MCPH1: variants seen among roughly 807,000 people sequenced by gnomAD.
The protein encoded by MCPH1 is microcephalin.
In MCPH1, 104 loss-of-function variants were observed where a neutral mutation model predicts 84.5. That is an observed-to-expected ratio of 1.23 (90% CI 1.05 to 1.45). MCPH1 has a LOEUF of 1.45. MCPH1 is among the 40% of genes most tolerant of loss of function. MCPH1 has a pLI of 0.00. For synonymous variants in MCPH1, 514 were observed against 366.8 expected (o/e 1.40, Z -4.58); for missense variants, 1,498 against 1,005.7 (o/e 1.49, Z -6.62).
chr8:6,544,158 A>G (rs1423938044), intron 12 of MCPH1, among the ~76,000 whole-genome samples: 1 of 152,250 alleles, frequency 6.6e-6, no homozygotes, highest in Non-Finnish European at 1.5e-5. Flanking sequence ...GAAATTTGGT[A>G]GGAAGTGTAA....
chr8:6,526,473 T>C (rs970053932), intron 12 of MCPH1, among the ~76,000 whole-genome samples: 2 of 151,670 alleles, frequency 1.3e-5, no homozygotes, highest in African/African-American at 4.8e-5. Flanking sequence ...ATTAGCAGGA[T>C]TGTTATATCT....
intron 11 of MCPH1, among the ~76,000 whole-genome samples, chr8:6,485,891 A>G (rs1271035168): frequency 1.3e-5 from 2 of 152,214 alleles, no homozygotes; most frequent in Non-Finnish European, 1.5e-5. Context: ...CGCTGGCACA[A>G]CAGGAGTATT....
rs1175165901 is a variant in MCPH1, at chr8:6,474,838, AAATAAG to A, written c.1936-2750_1936-2745del. ...ACATAGCGAGAGACCCCATCTTAAAAAATAAGAATAATAATACTTAATGCTGACAAC... is the reference window on the plus strand; with the variant it reads ...ACATAGCGAGAGACCCCATCTTAAAAAATAATAATACTTAATGCTGACAAC... On this transcript the variant is annotated intron_variant, in intron 9 of 13. Transcript: ENST00000344683. Among the ~76,000 whole-genome samples the A allele has an allele frequency of 2.0e-5, 3 of 152,214 alleles. No homozygotes were observed. The East Asian group carries it at 5.8e-4, about 29-fold the overall frequency.
chr8:6,480,360 C>T (rs1809040533), intron 10 of MCPH1, among the ~76,000 whole-genome samples: 1 of 151,924 alleles, frequency 6.6e-6, no homozygotes, highest in Admixed American at 6.6e-5. Flanking sequence ...TCCTGGTGAT[C>T]CACCCGCCTC....
intron 9 of MCPH1, among the ~76,000 whole-genome samples, chr8:6,463,579 T>C (rs2440401): frequency 0.66 from 99,687 of 151,882 alleles, 36,711 homozygotes; most frequent in Non-Finnish European, 0.83. Context: ...GTCCCAGTGG[T>C]GGGAATAAAA....
At chr8:6,445,880 G>T in intron 8 of MCPH1, 1 of 1,055,342 alleles carries the variant, frequency 9.5e-7, no homozygotes, top group African/African-American at 1.7e-5. Context: ...TCTTGGCGCT[G>T]CAGCGTGTGT....
chr8:6,465,703 CGGCTT>C (rs1806808834), intron 9 of MCPH1, among the ~76,000 whole-genome samples: 1 of 152,124 alleles, frequency 6.6e-6, no homozygotes, highest in African/African-American at 2.4e-5. Flanking sequence ...GCAAACCTTA[CGGCTT>C]ATTTCCACTG....
Position 6,505,304 on chromosome 8 carries a change from TATATAACA to T in MCPH1, c.2214+5376_2214+5383del, listed in dbSNP as rs1233170941. Among the ~76,000 whole-genome samples the T allele has an allele frequency of 2.7e-3, 158 of 58,052 alleles. 19 individuals carry two copies. The highest frequency in any genetic ancestry group is 0.013 in the African/African-American group (141 of 11,040). The allele number at this position is 58,052 out of a possible 152,430, so 38.1% of individuals were successfully genotyped here. A position where few individuals can be genotyped will look rare whatever the true frequency, so the allele number is the denominator to read the frequency against. ...TATATATGTTATATACATATATATG[TATATAACA>T]TATATATGTTATATACATATAGAAA... On this transcript the variant is annotated intron_variant, in intron 12 of 13. Transcript: ENST00000344683.
At chr8:6,550,126 C>G (rs1398821239) in intron 12 of MCPH1, among the ~76,000 whole-genome samples, 2 of 152,220 alleles carry the variant, frequency 1.3e-5, no homozygotes, top group Non-Finnish European at 2.9e-5. Flanking sequence ...TTTATACCAA[C>G]TATCGTGCCT....
chr8:6,509,890 T>A (rs762260647), intron 12 of MCPH1, among the ~76,000 whole-genome samples: 7 of 152,220 alleles, frequency 4.6e-5, no homozygotes, highest in Non-Finnish European at 1.0e-4. Flanking sequence ...ATCACAGGAC[T>A]GACTGGGACC....
intron 12 of MCPH1, among the ~76,000 whole-genome samples, chr8:6,555,206 A>G (rs1342498400): frequency 6.6e-6 from 1 of 152,048 alleles, no homozygotes; most frequent in Non-Finnish European, 1.5e-5. Flanking sequence ...ATTTTTGGTG[A>G]TCCAGTCTGT....
chr8:6,410,260 C>T lies in MCPH1; in HGVS notation c.114+890C>T, dbSNP rs542729087. Among the ~76,000 whole-genome samples, 74 of 152,108 alleles carry T rather than the reference C, an allele frequency of 4.9e-4. No homozygotes were observed. The Middle Eastern group carries it at 0.031, about 63-fold the overall frequency. ...AAGTGCTGGGATTACAGGCATGAGC[C>T]ACCGAGCCCGGCCAGGAGTAATTTT... On this transcript the variant is annotated intron_variant, in intron 2 of 13. Transcript: ENST00000344683.
intron 12 of MCPH1, among the ~76,000 whole-genome samples, chr8:6,551,225 C>T (rs567195468): frequency 5.4e-5 from 8 of 148,186 alleles, no homozygotes; most frequent in African/African-American, 5.0e-5. Context: ...GCTGCTTATT[C>T]GTGATTTTTT....
chr8:6,407,423 G>C (rs2129550430), intron 1 of MCPH1, among the ~76,000 whole-genome samples: 1 of 152,232 alleles, frequency 6.6e-6, no homozygotes, highest in East Asian at 1.9e-4. Flanking sequence ...AGTCAGTGCT[G>C]ACAGGGCCTT....
chr8:6,640,909 C>G (rs184211566), intron 13 of MCPH1, among the ~76,000 whole-genome samples: 1 of 152,278 alleles, frequency 6.6e-6, no homozygotes, highest in Non-Finnish European at 1.5e-5. Context: ...TATATTGCCC[C>G]CTGTGAGTCA....
chr8:6,475,288 T>G (rs1311763674), intron 9 of MCPH1, among the ~76,000 whole-genome samples: 1 of 152,240 alleles, frequency 6.6e-6, no homozygotes, highest in East Asian at 1.9e-4. Context: ...TTGGGTGCCC[T>G]TCACGGGCAC....
intron 13 of MCPH1, among the ~76,000 whole-genome samples, chr8:6,632,650 A>C (rs1340121820): frequency 2.0e-5 from 3 of 152,106 alleles, no homozygotes; most frequent in Non-Finnish European, 4.4e-5. Flanking sequence ...TCTACTAAAA[A>C]TACAAAAAAT....
At chr8:6,406,809 T>G (rs1363814072) in intron 1 of MCPH1, 120 bp downstream of exon 1, 2 of 1,135,524 alleles carry the variant, frequency 1.8e-6, no homozygotes, top group Admixed American at 2.0e-5. Context: ...TCGCTGCCTG[T>G]CTCCCCCAGA....
chr8:6,575,486 G>A (rs756784062), intron 12 of MCPH1, among the ~76,000 whole-genome samples: 1 of 152,154 alleles, frequency 6.6e-6, no homozygotes, highest in Non-Finnish European at 1.5e-5. Flanking sequence ...AAGGTCCTAC[G>A]TGGTGTCTAT....
Sources: allele counts gnomAD v4.1 joint callset (sites outside exome capture counted in the v4.1 genomes callset), GRCh38; gene constraint gnomAD v4.1.1; transcripts MANE v1.5; gene names NCBI Gene and HGNC (gene_info 2026-07-23, HGNC 2026-07-21).